The following KCNN1 variants were observed in gnomAD, a reference collection of about 807,000 sequenced individuals.
KCNN1 encodes the protein small conductance calcium-activated potassium channel protein 1.
KCNN1 carries 20 observed loss-of-function variants against 44.7 expected under a neutral mutation model. The ratio of observed to expected loss-of-function variants is 0.45; its 90% CI spans 0.32 to 0.65. The LOEUF (loss-of-function observed/expected upper bound fraction) is 0.65, where lower values mean the gene tolerates loss of function less well. KCNN1 is among the 30% of genes least tolerant of loss of function. The probability of loss-of-function intolerance (pLI) is 0.05; values close to 1 mark genes in which losing one functional copy is unlikely to be tolerated. For synonymous variants in KCNN1, 324 were observed against 341.7 expected (o/e 0.95, Z 0.57); for missense variants, 632 against 785.3 (o/e 0.80, Z 2.33).
At chr19:17,970,289 ATTTTTTTTTTTTTTTTTTTTTTTTTTT>A (rs71164333) in intron 1 of KCNN1, among the ~76,000 whole-genome samples, 2,776 of 56,988 alleles carry the variant, frequency 0.049, 97 homozygotes, top group Non-Finnish European at 0.069. Flanking sequence ...AGAAGGAATG[ATTTTTTTTTTTTTTTTTTTTTTTTTTT>A]TTTTTTTTTT....
rs751438518 is a variant in KCNN1, at chr19:17,974,768, G to A, written c.403-324G>A. On this transcript the variant is annotated intron_variant, in intron 2 of 9. Coordinates refer to ENST00000684775, the MANE Select transcript of KCNN1 (RefSeq NM_001386974.1). The surrounding 1 kb of genome is among the most constrained non-coding windows in gnomAD (Gnocchi z 7.3). Reference sequence around the variant, plus strand: ...GAGGTCCGGCCTTGTGAACTGTGAAGTGCTGTGCCCAAGTGAGGCCAGGCC... The same window carrying A: ...GAGGTCCGGCCTTGTGAACTGTGAAATGCTGTGCCCAAGTGAGGCCAGGCC... Among the ~76,000 whole-genome samples, 21 of 152,218 alleles carry A rather than the reference G, an allele frequency of 1.4e-4. No individual in the cohort carries two copies. Among genetic ancestry groups the A allele is most frequent in the South Asian group, 4.1e-4 (2 of 4,834 alleles).
intron 3 of KCNN1, among the ~76,000 whole-genome samples, chr19:17,976,013 G>C (rs965453501): frequency 6.6e-6 from 1 of 152,088 alleles, no homozygotes; most frequent in Non-Finnish European, 1.5e-5. Flanking sequence ...GGCTGCACAC[G>C]CATGTTGATA....
rs1336784240 is a variant in KCNN1, at chr19:17,981,882, C to T, written c.672C>T (p.Ala224=). ...AFTYAPSVAE[A]DVDVLLSIPM... ...CGTACGCGCCCTCGGTGGCCGAGGCCGACGTGGACGTGCTGCTGTCCATCC... is the reference window on the plus strand; with the variant it reads ...CGTACGCGCCCTCGGTGGCCGAGGCTGACGTGGACGTGCTGCTGTCCATCC... The change falls in exon 4 of 10, where the codon GCC becomes GCT. Residue 224 remains alanine (A), a synonymous_variant. Transcript: ENST00000684775. 16 of 1,612,238 alleles carry T rather than the reference C, an allele frequency of 9.9e-6. No individual in the cohort carries two copies. The East Asian group carries it at 2.0e-4, about 20-fold the overall frequency.
intron 1 of KCNN1, among the ~76,000 whole-genome samples, chr19:17,967,620 C>T (rs1172423576): frequency 6.6e-6 from 1 of 151,684 alleles, no homozygotes; most frequent in Non-Finnish European, 1.5e-5. Context: ...GGTCGGGGAG[C>T]TCTCAGGGAT....
intron 5 of KCNN1, among the ~76,000 whole-genome samples, chr19:17,986,228 TGGTG>T (rs2032590004): frequency 6.6e-6 from 1 of 151,918 alleles, no homozygotes. Context: ...CCGGGCGTGG[TGGTG>T]GGTGCCTGTA....
chr19:17,973,977 C>A lies in KCNN1; in HGVS notation c.89C>A (p.Ala30Asp). 6.4e-7 allele frequency: 1 copy of A among 1,569,718 alleles called. No homozygotes were observed. Residue 30 changes from alanine to aspartate, a missense_variant, in exon 2 of 10, where the codon GCC becomes GAC. By Grantham distance (126) the Ala-to-Asp change is moderately radical (BLOSUM62 -2). Around this residue, in one of 3 missense-constraint regions of KCNN1, gnomAD observed 235 missense variants for 224.0 expected, o/e 1.05. Coordinates refer to ENST00000684775, the MANE Select transcript of KCNN1 (RefSeq NM_001386974.1). The stretch of plus-strand genomic sequence containing the variant: ...GGACGAGACCCTCCGGACCCTGAGG[C>A]CGGCCACCCCCCACAACCCCCGCAC... The part of the protein sequence containing the change: ...ALGRDPPDPE[A>D]GHPPQPPHSP...
At position 17,959,949 on chromosome 19, in the gene KCNN1, G is replaced by T. The variant is rs1012338025; in HGVS notation, c.-82+5268G>T. On this transcript the variant is annotated intron_variant, in intron 2 of 10. Transcript: ENST00000222249. ...AATACAAAAATTAGCCGAGCGTGAT[G>T]GTGGGCACCTGTAATCCCAGCTACT... 8.6e-5 allele frequency among the ~76,000 whole-genome samples: 13 copies of T among 152,046 alleles called. No individual in the cohort carries two copies. In the East Asian group the frequency reaches 2.5e-3, roughly 30 times the overall value.
At chr19:17,988,154 CA>C (rs59928660) in intron 5 of KCNN1, among the ~76,000 whole-genome samples, 4,521 of 53,468 alleles carry the variant, frequency 0.085, 41 homozygotes, top group African/African-American at 0.13. Context: ...GACTCCATCT[CA>C]AAAAAAAAAA....
Position 17,998,141 on chromosome 19 carries a change from G to C in KCNN1, c.1378-11G>C. ...CGGCGCCTCTCTCCTGCCCCTCTCT[G>C]TCTCCCGCAGACCCAGACCGTCATG... On this transcript the variant is annotated splice_polypyrimidine_tract_variant and intron_variant, in intron 9 of 9. Transcript: ENST00000684775. This position sits in a 1 kb window ranked among gnomAD's most constrained non-coding sequence, Gnocchi z 5.4. 6.3e-7 allele frequency: 1 copy of C among 1,576,630 alleles called. No individual in the cohort carries two copies. Among genetic ancestry groups the C allele is most frequent in the Non-Finnish European group, 8.6e-7 (1 of 1,161,430 alleles).
rs151306319 is a variant in KCNN1, at chr19:17,955,358, C to T, written c.-82+677C>T. On this transcript the variant is annotated intron_variant, in intron 2 of 10. Coordinates refer to the KCNN1 transcript ENST00000222249. ...GGCAGATCACCTGAGGTCAGGAGTT[C>T]GAGACCAGCCTGGCCAACAGGGTGA... Among the ~76,000 whole-genome samples the T allele has an allele frequency of 4.7e-3, 713 of 151,298 alleles. 3 individuals are homozygous for T. The highest frequency in any genetic ancestry group is 0.016 in the African/African-American group (670 of 41,334).
At chr19:17,963,626 C>A (rs999383849), upstream of KCNN1, among the ~76,000 whole-genome samples, 15 of 152,068 alleles carry the variant, frequency 9.9e-5, no homozygotes, top group African/African-American at 3.1e-4. Context: ...CAAATGATTT[C>A]TCTTCTAAGA....
chr19:17,957,886 G>A (rs1348607591), intron 2 of KCNN1, among the ~76,000 whole-genome samples: 1 of 152,076 alleles, frequency 6.6e-6, no homozygotes, highest in Non-Finnish European at 1.5e-5. Context: ...GGAGATGTCT[G>A]GTGGTTTCAG....
upstream of KCNN1, among the ~76,000 whole-genome samples, chr19:17,965,761 G>T (rs1022884137): frequency 6.6e-6 from 1 of 152,004 alleles, no homozygotes; most frequent in Non-Finnish European, 1.5e-5. Context: ...ATCCAACCCC[G>T]CCTGGTACCT....
intron 9 of KCNN1, among the ~76,000 whole-genome samples, chr19:17,995,738 G>A (rs1300500586): frequency 1.3e-5 from 2 of 150,776 alleles, no homozygotes; most frequent in African/African-American, 2.4e-5. Context: ...GGTGTATGCC[G>A]CCACGCCTAG....
chr19:17,959,849 C>G (rs1323678187), intron 2 of KCNN1, among the ~76,000 whole-genome samples: 1 of 152,006 alleles, frequency 6.6e-6, no homozygotes, highest in Non-Finnish European at 1.5e-5. Flanking sequence ...CTTTGGGAGG[C>G]TGAGGTGGGC....
At chr19:17,957,650 T>A (rs1007733050) in intron 2 of KCNN1, among the ~76,000 whole-genome samples, 1 of 150,576 alleles carries the variant, frequency 6.6e-6, no homozygotes, top group Non-Finnish European at 1.5e-5. Context: ...TGGAACAGAG[T>A]GAGTGGGAGA....
intron 2 of KCNN1, among the ~76,000 whole-genome samples, chr19:17,959,805 C>T (rs2031635643): frequency 6.6e-6 from 1 of 152,152 alleles, no homozygotes; most frequent in Non-Finnish European, 1.5e-5. Flanking sequence ...TCCAGGTCAG[C>T]TGGACGCGGT....
Position 17,993,157 on chromosome 19 carries a change from C to A in KCNN1, c.1307+95C>A. 1.4e-6 allele frequency: 2 copies of A among 1,467,966 alleles called. No homozygotes were observed. The highest frequency in any genetic ancestry group is 1.2e-5 in the South Asian group (1 of 86,074). The allele number at this position is 1,467,966 out of a possible 1,614,324, so 90.9% of individuals were successfully genotyped here. ...ACACCCGGGGCATGCCAACCCCAGC[C>A]TCAGAGGCGGGCAGGGTTCACATCT... is the stretch of plus-strand genomic sequence containing the variant. On this transcript the variant is annotated intron_variant, in intron 8 of 9. Coordinates refer to ENST00000684775, the MANE Select transcript of KCNN1 (RefSeq NM_001386974.1). This position sits in a 1 kb window ranked among gnomAD's most constrained non-coding sequence, Gnocchi z 4.5.
intron 2 of KCNN1, among the ~76,000 whole-genome samples, chr19:17,961,586 C>CTT (rs60134891): frequency 7.7e-4 from 100 of 130,042 alleles, no homozygotes; most frequent in African/African-American, 9.5e-4. Context: ...TTCTTTCTTT[C>CTT]TTTTTTTTTT....
Sources: gnomAD v4.1 joint callset for allele counts (sites outside exome capture counted in the v4.1 genomes callset) on GRCh38, gnomAD v4.1.1 for gene constraint, gnomAD v4.1.1 regional missense constraint, Gnocchi (gnomAD v3.1) non-coding constraint, MANE v1.5 for transcripts, NCBI Gene and HGNC (gene_info 2026-07-23, HGNC 2026-07-21) for gene names.